HYAL4: variants seen among roughly 807,000 people sequenced by gnomAD.
HYAL4 encodes hyaluronidase-4.
In HYAL4, 37 loss-of-function variants were observed where a neutral mutation model predicts 35.2. The ratio of observed to expected loss-of-function variants is 1.05; its 90% confidence interval spans 0.81 to 1.38. The LOEUF is 1.38. HYAL4 is among the 40% of genes most tolerant of loss of function. The pLI is 0.00. For synonymous variants in HYAL4, 198 were observed against 203.2 expected, an observed-to-expected ratio of 0.97 and a Z score of 0.22; for missense variants, 572 against 572.4, an observed-to-expected ratio of 1.00 and a Z score of 0.01.
chr7:123,841,218 A>T (rs1806052281), upstream of HYAL4, among the ~76,000 whole-genome samples: 1 of 151,946 alleles, frequency 6.6e-6, no homozygotes, highest in African/African-American at 2.4e-5. Context: ...ATTTTGTCGA[A>T]GGCCTTTTCT....
upstream of HYAL4, among the ~76,000 whole-genome samples, chr7:123,824,402 G>C (rs1293489957): frequency 6.6e-6 from 1 of 152,058 alleles, no homozygotes; most frequent in African/African-American, 2.4e-5. Flanking sequence ...TAGAAGATGG[G>C]GATGAGGATG....
At chr7:123,770,440 T>TAAAAAAAAAAAA in the HYAL4 span, among the ~76,000 whole-genome samples, 6 of 118,510 alleles carry the variant, frequency 5.1e-5, no homozygotes, top group East Asian at 2.5e-4. Flanking sequence ...AGACTCCATC[T>TAAAAAAAAAAAA]AAAAAAAAAA....
chr7:123,835,580 T>C (rs1216579293), intron 1 of HYAL4, among the ~76,000 whole-genome samples: 1 of 152,186 alleles, frequency 6.6e-6, no homozygotes, highest in Admixed American at 6.5e-5. Flanking sequence ...TTTTATTTAG[T>C]TCTGCTCTGA....
chr7:123,790,562 A>G, the HYAL4 span: 1 of 147,378 alleles, frequency 6.8e-6, no homozygotes, highest in Non-Finnish European at 1.5e-5. Flanking sequence ...TATTCTATCT[A>G]TCCAACTAAA....
chr7:123,852,187 T>C (rs1806319866), intron 2 of HYAL4, among the ~76,000 whole-genome samples: 1 of 152,202 alleles, frequency 6.6e-6, no homozygotes, highest in African/African-American at 2.4e-5. Flanking sequence ...ATTCTGTAGG[T>C]TGCCTGTTCA....
chr7:123,775,412 G>A, the HYAL4 span, among the ~76,000 whole-genome samples: 1 of 151,962 alleles, frequency 6.6e-6, no homozygotes, highest in Non-Finnish European at 1.5e-5. Flanking sequence ...CTGGGAGACA[G>A]AGCCAGATCC....
At chr7:123,871,253 G>A (rs1275898166) in intron 3 of HYAL4, among the ~76,000 whole-genome samples, 4 of 150,268 alleles carry the variant, frequency 2.7e-5, no homozygotes, top group East Asian at 2.0e-4. Flanking sequence ...GTGCAGTGGC[G>A]CGATTTCGGC....
At chr7:123,862,195 A>G (rs1203980819) in intron 2 of HYAL4, among the ~76,000 whole-genome samples, 1 of 152,166 alleles carries the variant, frequency 6.6e-6, no homozygotes, top group Non-Finnish European at 1.5e-5. Flanking sequence ...TCTGATAAAT[A>G]TATATGAGTA....
chr7:123,836,446 C>G (rs911746663), intron 1 of HYAL4, among the ~76,000 whole-genome samples: 1 of 152,052 alleles, frequency 6.6e-6, no homozygotes, highest in Non-Finnish European at 1.5e-5. Context: ...TTTTTCCACC[C>G]CTCTACCTTA....
chr7:123,804,109 CCTCT>C, the HYAL4 span, among the ~76,000 whole-genome samples: 4 of 152,286 alleles, frequency 2.6e-5, no homozygotes, highest in East Asian at 1.9e-4. Flanking sequence ...AGCTTTCTCC[CCTCT>C]CTAACAAAGC....
At chr7:123,792,063 TG>T in the HYAL4 span, among the ~76,000 whole-genome samples, 1 of 152,144 alleles carries the variant, frequency 6.6e-6, no homozygotes, top group Non-Finnish European at 1.5e-5. Context: ...ATGAGCCCTA[TG>T]AACTCTCACT....
chr7:123,863,116 T>G (rs1806612509), intron 2 of HYAL4, among the ~76,000 whole-genome samples: 2 of 152,196 alleles, frequency 1.3e-5, no homozygotes, highest in Non-Finnish European at 2.9e-5. Context: ...CCTTATTTAT[T>G]TTTCTTTGTT....
chr7:123,808,750 A>G, the HYAL4 span, among the ~76,000 whole-genome samples: 2 of 152,244 alleles, frequency 1.3e-5, no homozygotes, highest in Middle Eastern at 3.4e-3. Context: ...TATTTCTCAC[A>G]GTTCTGGAGG....
intron 1 of HYAL4, among the ~76,000 whole-genome samples, chr7:123,835,613 A>C (rs114622393): frequency 6.6e-6 from 1 of 151,696 alleles, no homozygotes; most frequent in African/African-American, 2.4e-5. Flanking sequence ...CCTTTATTCT[A>C]CTGGGTGTGG....
the HYAL4 span, among the ~76,000 whole-genome samples, chr7:123,821,648 A>T: frequency 6.6e-6 from 1 of 152,116 alleles, no homozygotes; most frequent in South Asian, 2.1e-4. Flanking sequence ...TTTCAGTTTG[A>T]TGCATCCCAT....
chr7:123,807,914 AATTATT>A, the HYAL4 span, among the ~76,000 whole-genome samples: 2,009 of 136,548 alleles, frequency 0.015, 31 homozygotes, highest in African/African-American at 0.037. Flanking sequence ...TTAGCTGGAT[AATTATT>A]ATTATTATTA....
chr7:123,819,101 A>T, the HYAL4 span, among the ~76,000 whole-genome samples: 1 of 151,956 alleles, frequency 6.6e-6, no homozygotes, highest in Non-Finnish European at 1.5e-5. Flanking sequence ...CTCCCTCCTA[A>T]CCACCTCAGC....
upstream of HYAL4, among the ~76,000 whole-genome samples, chr7:123,843,957 A>T (rs1806122543): frequency 6.6e-6 from 1 of 151,958 alleles, no homozygotes; most frequent in South Asian, 2.1e-4. Flanking sequence ...TCTTTAGCTC[A>T]GAGAAGTTTG....
the HYAL4 span, among the ~76,000 whole-genome samples, chr7:123,798,795 A>G: frequency 6.6e-6 from 1 of 152,206 alleles, no homozygotes; most frequent in Non-Finnish European, 1.5e-5. Flanking sequence ...AGAATACCCA[A>G]GGAAGTGGCA....
Sources: gnomAD v4.1 joint callset for allele counts (sites outside exome capture counted in the v4.1 genomes callset) on GRCh38, gnomAD v4.1.1 for gene constraint, MANE v1.5 for transcripts, NCBI Gene and HGNC (gene_info 2026-07-23, HGNC 2026-07-21) for gene names.